Variants in ITGA1 observed in about 807,000 individuals in gnomAD.
ITGA1 encodes integrin subunit alpha 1, also known as integrin alpha-1.
ITGA1 carries 85 observed loss-of-function variants against 145.9 expected under a neutral mutation model. That is an observed-to-expected ratio of 0.58 (90% CI 0.49 to 0.70). The LOEUF is 0.70. Among genes scored for constraint, ITGA1 ranks in the 30% least tolerant of loss-of-function variants. ITGA1 has a pLI of 0.00. For missense variants in ITGA1, 1,351 were observed against 1,418.7 expected (o/e 0.95, Z 0.77); for synonymous variants, 520 against 495.3 (o/e 1.05, Z -0.66).
intron 24 of ITGA1, among the ~76,000 whole-genome samples, chr5:52,938,849 T>C (rs1422598740): frequency 6.6e-6 from 1 of 152,150 alleles, no homozygotes; most frequent in Non-Finnish European, 1.5e-5. Flanking sequence ...GATGAAGGTC[T>C]CTCGCTTTTC....
intron 28 of ITGA1, among the ~76,000 whole-genome samples, chr5:52,948,022 T>C (rs1751161344): frequency 6.6e-6 from 1 of 152,192 alleles, no homozygotes. Flanking sequence ...AGGGGAGATC[T>C]TAAAGTTTCA....
intron 1 of ITGA1, among the ~76,000 whole-genome samples, chr5:52,822,102 G>T (rs1297329963): frequency 6.6e-6 from 1 of 152,148 alleles, no homozygotes; most frequent in Non-Finnish European, 1.5e-5. Context: ...CCATGTGGAG[G>T]CCGTTTCCTG....
rs1751330397 is a variant in ITGA1 at position 52,958,165 on chromosome 5, A to C, written c.*5714A>C. The stretch of plus-strand genomic sequence containing the variant: ...TGTGCAGAAGGGGACCACCACACTT[A>C]GGACCAGTGCCAGGTGACAATCTTT... On this transcript the variant is annotated 3_prime_UTR_variant, in exon 29 of 29. Transcript: ENST00000282588. 1 of 152,174 alleles carries C rather than the reference A, an allele frequency of 6.6e-6. No homozygotes were observed. The highest frequency in any genetic ancestry group is 1.5e-5 in the Non-Finnish European group (1 of 68,030). The allele number at this position is 152,174 out of a possible 1,614,324, so 9.4% of individuals were successfully genotyped here. A position where few individuals can be genotyped will look rare whatever the true frequency, so the allele number is the denominator to read the frequency against.
At chr5:52,849,291 A>C in intron 1 of ITGA1, 74 bp from the exon 2 acceptor site, 1 of 1,291,346 alleles carries the variant, frequency 7.7e-7, no homozygotes, top group African/African-American at 1.5e-5. Flanking sequence ...AACCTTAACC[A>C]TGCCTTCCAT....
chr5:52,804,086 G>A (rs745366565), intron 1 of ITGA1: 1 of 151,858 alleles, frequency 6.6e-6, no homozygotes, highest in Non-Finnish European at 1.5e-5. Flanking sequence ...TAGATCATAG[G>A]TGAAAATGTC....
intron 11 of ITGA1, 156 bp from the exon 12 acceptor site, chr5:52,905,607 A>T (rs1750390280): frequency 1.8e-6 from 1 of 551,220 alleles, no homozygotes; most frequent in Non-Finnish European, 2.9e-6. Context: ...AAAAGCTTCC[A>T]CCAAAACAAA....
intron 2 of ITGA1, among the ~76,000 whole-genome samples, chr5:52,859,076 G>A (rs1268186915): frequency 1.3e-5 from 2 of 152,046 alleles, no homozygotes; most frequent in East Asian, 1.9e-4. Flanking sequence ...ACTTAGAACA[G>A]GGCCTAGCAC....
At chr5:52,861,307 C>T (rs1406862391) in intron 2 of ITGA1, 140 bp from the exon 3 acceptor site, 3 of 621,766 alleles carry the variant, frequency 4.8e-6, no homozygotes, top group African/African-American at 3.7e-5. Context: ...GCTTAGTTTA[C>T]ATAACATTAA....
In ITGA1 at chr5:52,947,371, G is replaced by T. The variant is rs746901411; in HGVS notation, c.3405G>T (p.Gly1135=). Residue 1135 remains glycine, a synonymous_variant, in exon 28 of 29, where the codon GGG becomes GGT. Coordinates refer to ENST00000282588, the MANE Select transcript of ITGA1 (RefSeq NM_181501.2). ...TTGCTATTCAAATATCCAAAGATGG[G>T]CTACCGGGCAGAGTGCCATTATGGG... ...RELAIQISKD[G]LPGRVPLWVI... The T allele has an allele frequency of 7.4e-6, 12 of 1,612,444 alleles. No individual in the cohort carries two copies. The highest frequency in any genetic ancestry group is 3.3e-5 in the South Asian group (3 of 91,030).
intron 1 of ITGA1, among the ~76,000 whole-genome samples, chr5:52,813,699 G>C (rs967281871): frequency 1.3e-5 from 2 of 152,124 alleles, no homozygotes; most frequent in African/African-American, 4.8e-5. Flanking sequence ...CTATTGAAAG[G>C]TCACATGCCC....
chr5:52,883,153 G>A (rs931992262), intron 7 of ITGA1, among the ~76,000 whole-genome samples: 7 of 152,180 alleles, frequency 4.6e-5, no homozygotes, highest in African/African-American at 1.7e-4. Context: ...TATACACAAA[G>A]AGTGCACATG....
intron 2 of ITGA1, among the ~76,000 whole-genome samples, chr5:52,855,534 A>G (rs1286140483): frequency 6.6e-6 from 1 of 152,200 alleles, no homozygotes; most frequent in Non-Finnish European, 1.5e-5. Flanking sequence ...AACAAAATAG[A>G]AAAACCAATC....
rs1561246422 is a variant in ITGA1, at chr5:52,911,607, ATATATAGTGTAT to A, written c.1857+1189_1857+1200del. On this transcript the variant is annotated intron_variant, in intron 14 of 28. Coordinates refer to ENST00000282588, the MANE Select transcript of ITGA1 (RefSeq NM_181501.2). ...ATAGTGTATCTACTATATATACTAT[ATATATAGTGTAT>A]CTACTATATATACTATATATAGTGT... 4.3e-4 allele frequency among the ~76,000 whole-genome samples: 40 copies of A among 94,114 alleles called. 1 individual carries two copies. Among genetic ancestry groups the A allele is most frequent in the Middle Eastern group, 0.015 (1 of 68 alleles). 61.7% of individuals were successfully genotyped at this position (94,114 alleles called of 152,430 possible).
At position 52,946,016 on chromosome 5, in the gene ITGA1, A is replaced by G. The variant is rs546926279; in HGVS notation, c.3378+981A>G. On this transcript the variant is annotated intron_variant, in intron 27 of 28. Transcript: ENST00000282588. The stretch of plus-strand genomic sequence containing the variant: ...AAAAGTACATATGATTCCTAAATTT[A>G]TGTGTTAAAATTTTATAATGAGTTT... 8.3e-4 allele frequency among the ~76,000 whole-genome samples: 127 copies of G among 152,334 alleles called. 1 individual carries two copies. Among genetic ancestry groups the G allele is most frequent in the African/African-American group, 2.7e-3 (112 of 41,574 alleles).
intron 8 of ITGA1, among the ~76,000 whole-genome samples, chr5:52,892,845 G>A (rs1041329743): frequency 2.0e-5 from 3 of 151,858 alleles, no homozygotes; most frequent in Admixed American, 6.6e-5. Flanking sequence ...AGGGGAGGAA[G>A]GGATTGACTA....
intron 6 of ITGA1, 53 bp from the exon 7 acceptor site, chr5:52,881,820 T>C: frequency 6.5e-7 from 1 of 1,535,202 alleles, no homozygotes; most frequent in Non-Finnish European, 8.8e-7. Flanking sequence ...CCTGAAGAAA[T>C]CTGAACAGGA....
intron 11 of ITGA1, chr5:52,905,071 A>C (rs1280300281): frequency 6.6e-6 from 1 of 152,184 alleles, no homozygotes; most frequent in Non-Finnish European, 1.5e-5. Flanking sequence ...ACAAAGTAGT[A>C]CAAATTTTCT....
intron 11 of ITGA1, among the ~76,000 whole-genome samples, chr5:52,899,175 T>C (rs1447020444): frequency 6.6e-6 from 1 of 152,200 alleles, no homozygotes; most frequent in East Asian, 1.9e-4. Flanking sequence ...AATAAAGTGA[T>C]AAAGAAAACA....
At chr5:52,849,885 G>A (rs1448014343) in intron 2 of ITGA1, among the ~76,000 whole-genome samples, 1 of 152,098 alleles carries the variant, frequency 6.6e-6, no homozygotes. Context: ...ACACACTTCC[G>A]TGAGTTTGGT....
Sources: allele counts gnomAD v4.1 joint callset (sites outside exome capture counted in the v4.1 genomes callset), GRCh38; gene constraint gnomAD v4.1.1; transcripts MANE v1.5; gene names NCBI Gene and HGNC (gene_info 2026-07-23, HGNC 2026-07-21).